The following ZBTB7C variants were observed in gnomAD, a reference collection of about 807,000 sequenced individuals.
ZBTB7C encodes the protein zinc finger and BTB domain-containing protein 7C.
Under a neutral mutation model 25.7 loss-of-function variants are expected in ZBTB7C, and 8 were observed. The ratio of observed to expected loss-of-function variants is 0.31; its 90% confidence interval spans 0.18 to 0.56. The LOEUF is 0.56. ZBTB7C is among the 20% of genes least tolerant of loss of function. The pLI is 0.91. For missense variants in ZBTB7C, 824 were observed against 855.2 expected, an observed-to-expected ratio of 0.96 and a Z score of 0.46; for synonymous variants, 394 against 369.0, an observed-to-expected ratio of 1.07 and a Z score of -0.78.
At chr18:48,269,386 C>T (rs1413151851) in intron 2 of ZBTB7C, among the ~76,000 whole-genome samples, 1 of 152,200 alleles carries the variant, frequency 6.6e-6, no homozygotes, top group African/African-American at 2.4e-5. Flanking sequence ...ACCCTCAAGA[C>T]CTAATCACCG....
intron 2 of ZBTB7C, among the ~76,000 whole-genome samples, chr18:48,191,084 C>T (rs1053626824): frequency 3.3e-5 from 5 of 152,308 alleles, no homozygotes; most frequent in Non-Finnish European, 5.9e-5. Flanking sequence ...AAGACAAGAG[C>T]GGAAGTCAGG....
At chr18:48,111,064 C>T (rs1021529164) in intron 3 of ZBTB7C, among the ~76,000 whole-genome samples, 2 of 152,158 alleles carry the variant, frequency 1.3e-5, no homozygotes, top group Non-Finnish European at 2.9e-5. Flanking sequence ...CCTCCAGCTG[C>T]TGGGCGCATT....
intron 2 of ZBTB7C, among the ~76,000 whole-genome samples, chr18:48,315,302 A>C (rs1228412177): frequency 1.3e-5 from 2 of 152,168 alleles, no homozygotes; most frequent in Non-Finnish European, 2.9e-5. Flanking sequence ...ATTTTTGAAA[A>C]TTCAAAACCC....
At chr18:48,063,798 A>G (rs2037214962) in intron 3 of ZBTB7C, among the ~76,000 whole-genome samples, 1 of 152,188 alleles carries the variant, frequency 6.6e-6, no homozygotes, top group Admixed American at 6.5e-5. Flanking sequence ...TAGGACTGGA[A>G]TGTAAAAGCG....
At chr18:48,230,563 T>G (rs2043224061) in intron 2 of ZBTB7C, among the ~76,000 whole-genome samples, 1 of 152,172 alleles carries the variant, frequency 6.6e-6, no homozygotes, top group Non-Finnish European at 1.5e-5. Context: ...CCATAATTGG[T>G]GCTCAGCTCA....
chr18:48,047,558 A>G (rs1193869281), intron 3 of ZBTB7C, among the ~76,000 whole-genome samples: 1 of 152,174 alleles, frequency 6.6e-6, no homozygotes, highest in East Asian at 1.9e-4. Context: ...AGATGTGGCC[A>G]CTATTCCAGA....
intron 3 of ZBTB7C, among the ~76,000 whole-genome samples, chr18:48,124,382 C>T (rs918731164): frequency 6.6e-6 from 1 of 152,214 alleles, no homozygotes; most frequent in Non-Finnish European, 1.5e-5. Flanking sequence ...TCCTTAGAGC[C>T]AAGCAAAATG....
In ZBTB7C at chr18:48,126,696, G is replaced by C. The variant is rs138499338; in HGVS notation, c.-17+59238C>G. On this transcript the variant is annotated intron_variant, in intron 3 of 4. Transcript: ENST00000590800. ...TCCCTCTGAGGAGAGGTGTGTGCTG[G>C]GAGAAAGGGGGGAGGACCAGAGCTC... 5.8e-4 allele frequency among the ~76,000 whole-genome samples: 89 copies of C among 152,278 alleles called. No individual in the cohort carries two copies. In the East Asian group the frequency reaches 6.2e-3, roughly 11 times the overall value.
intron 4 of ZBTB7C, among the ~76,000 whole-genome samples, chr18:48,030,760 T>A (rs2035710673): frequency 6.6e-6 from 1 of 152,190 alleles, no homozygotes; most frequent in Non-Finnish European, 1.5e-5. Flanking sequence ...GTGCCAGACA[T>A]CAATTCTCAT....
intron 3 of ZBTB7C, among the ~76,000 whole-genome samples, chr18:48,154,121 C>G (rs2040762445): frequency 6.6e-6 from 1 of 152,306 alleles, no homozygotes; most frequent in East Asian, 1.9e-4. Context: ...AGTAAGCAAG[C>G]AGGGGTTAGG....
chr18:48,184,979 C>T (rs1484092430), intron 3 of ZBTB7C, among the ~76,000 whole-genome samples: 1 of 152,140 alleles, frequency 6.6e-6, no homozygotes, highest in African/African-American at 2.4e-5. Flanking sequence ...ATTTTCATAT[C>T]GTGGAGTGGC....
chr18:48,361,575 T>C (rs938441721), intron 1 of ZBTB7C, among the ~76,000 whole-genome samples: 68 of 152,370 alleles, frequency 4.5e-4, no homozygotes, highest in African/African-American at 1.5e-3. Flanking sequence ...GTACATATGC[T>C]GCTCTGGAAA....
Position 48,110,436 on chromosome 18 carries a change from C to T in ZBTB7C, c.-16-69313G>A, listed in dbSNP as rs1451901753. On this transcript the variant is annotated intron_variant, in intron 3 of 4. Transcript: ENST00000590800. The stretch of plus-strand genomic sequence containing the variant: ...GGCATGATCTTTAGGGAGCTAATTA[C>T]CTAATTAGTGCATCTAGAGGAAAGC... Among the ~76,000 whole-genome samples, 6 of 152,298 alleles carry T rather than the reference C, an allele frequency of 3.9e-5. No individual in the cohort carries two copies. The East Asian group carries it at 9.6e-4, about 24-fold the overall frequency.
intron 2 of ZBTB7C, among the ~76,000 whole-genome samples, chr18:48,323,808 TA>T (rs1450467222): frequency 1.3e-5 from 2 of 152,058 alleles, no homozygotes; most frequent in Non-Finnish European, 2.9e-5. Flanking sequence ...ATTAAACATC[TA>T]CTTATAACTG....
chr18:48,258,394 A>T (rs1414723191), intron 2 of ZBTB7C, among the ~76,000 whole-genome samples: 1 of 152,246 alleles, frequency 6.6e-6, no homozygotes. Context: ...TATAAGATCA[A>T]TGTATAAATA....
At chr18:48,374,581 T>TC (rs1458399224) in intron 1 of ZBTB7C, among the ~76,000 whole-genome samples, 1 of 152,186 alleles carries the variant, frequency 6.6e-6, no homozygotes, top group Non-Finnish European at 1.5e-5. Context: ...GTCCCTCTCT[T>TC]CCCCAGAAGC....
intron 3 of ZBTB7C, among the ~76,000 whole-genome samples, chr18:48,078,745 C>G (rs1312444587): frequency 6.6e-6 from 1 of 152,168 alleles, no homozygotes; most frequent in Non-Finnish European, 1.5e-5. Context: ...GAGCTTAGTT[C>G]AAGTTAATGA....
intron 2 of ZBTB7C, among the ~76,000 whole-genome samples, chr18:48,328,859 G>T (rs182625467): frequency 1.3e-5 from 2 of 152,148 alleles, no homozygotes; most frequent in Non-Finnish European, 2.9e-5. Flanking sequence ...CTACATGGCC[G>T]CCAGGTCAAT....
intron 2 of ZBTB7C, among the ~76,000 whole-genome samples, chr18:48,226,122 A>G (rs1371003834): frequency 6.6e-6 from 1 of 152,228 alleles, no homozygotes; most frequent in Non-Finnish European, 1.5e-5. Flanking sequence ...GAACAAAGAC[A>G]TGAGAGCAAA....
Sources: allele counts gnomAD v4.1 joint callset (sites outside exome capture counted in the v4.1 genomes callset), GRCh38; gene constraint gnomAD v4.1.1; transcripts MANE v1.5; gene names NCBI Gene and HGNC (gene_info 2026-07-23, HGNC 2026-07-21).